CSMD1: variants seen among roughly 807,000 people sequenced by gnomAD.
CSMD1 encodes the protein CUB and Sushi multiple domains 1.
In CSMD1, 213 loss-of-function variants were observed where a neutral mutation model predicts 417.5. The ratio of observed to expected loss-of-function variants is 0.51; its 90% CI spans 0.46 to 0.57. The LOEUF (loss-of-function observed/expected upper bound fraction) is 0.57, where lower values mean the gene tolerates loss of function less well. Among genes scored for constraint, CSMD1 ranks in the 20% least tolerant of loss-of-function variants. The pLI is 0.00. For synonymous variants in CSMD1, 2,862 were observed against 1,736.8 expected (o/e 1.65, Z -16.11); for missense variants, 6,923 against 4,529.7 (o/e 1.53, Z -15.17).
chr8:4,089,476 T>C (rs1217794862), intron 3 of CSMD1, among the ~76,000 whole-genome samples: 5 of 152,168 alleles, frequency 3.3e-5, no homozygotes, highest in Admixed American at 2.6e-4. Context: ...TCAAAAAAGG[T>C]AATGAACCAT....
Position 4,773,138 on chromosome 8 carries a change from T to C in CSMD1, c.86-135580A>G, listed in dbSNP as rs141452642. Reference sequence around the variant, plus strand: ...TATATTACCAGTTGAGTGTCCCTAATTAAAAATAAAGTATCAGAAATCTGA... The same window carrying C: ...TATATTACCAGTTGAGTGTCCCTAACTAAAAATAAAGTATCAGAAATCTGA... On this transcript the variant is annotated intron_variant, in intron 1 of 69. Coordinates refer to ENST00000635120, the MANE Select transcript of CSMD1 (RefSeq NM_033225.6). 5.2e-3 allele frequency among the ~76,000 whole-genome samples: 793 copies of C among 152,288 alleles called. 17 individuals are homozygous for C. The highest frequency in any genetic ancestry group is 0.038 in the Admixed American group (582 of 15,294).
intron 52 of CSMD1, among the ~76,000 whole-genome samples, chr8:3,014,489 A>G (rs1808671660): frequency 6.6e-6 from 1 of 152,184 alleles, no homozygotes; most frequent in East Asian, 1.9e-4. Context: ...TATCTCACCA[A>G]GAACACTGCC....
chr8:3,127,773 C>G (rs1045214498), intron 41 of CSMD1: 44 of 150,794 alleles, frequency 2.9e-4, no homozygotes, highest in Non-Finnish European at 4.0e-4. Flanking sequence ...TTTTCTTTCC[C>G]AAAAAAGTTT....
At chr8:3,387,706 T>C (rs1811097202) in intron 17 of CSMD1, 24 bp from the exon 18 acceptor site, 11 of 1,559,128 alleles carry the variant, frequency 7.1e-6, no homozygotes, top group Non-Finnish European at 8.7e-6. Flanking sequence ...ACGAATGCAG[T>C]CGATGAGGAT....
intron 1 of CSMD1, among the ~76,000 whole-genome samples, chr8:4,966,070 G>T (rs1210597970): frequency 4.6e-5 from 7 of 151,852 alleles, no homozygotes; most frequent in Admixed American, 3.3e-4. Flanking sequence ...TACTCGAATT[G>T]AAAGAGTTCC....
rs116069717 is a variant in CSMD1, at chr8:4,691,093, G to C, written c.86-53535C>G. On this transcript the variant is annotated intron_variant, in intron 1 of 69. Transcript: ENST00000635120. ...AATGGTACCTGGGTATTTTTAAATG[G>C]ATTTTCCCCATCTTTATGACAGAAT... Among the ~76,000 whole-genome samples, 356 of 152,256 alleles carry C rather than the reference G, an allele frequency of 2.3e-3. 4 individuals are homozygous for C. The highest frequency in any genetic ancestry group is 8.3e-3 in the African/African-American group (346 of 41,540).
chr8:4,649,096 T>C (rs1803719341), intron 1 of CSMD1, among the ~76,000 whole-genome samples: 1 of 152,172 alleles, frequency 6.6e-6, no homozygotes, highest in South Asian at 2.1e-4. Flanking sequence ...AAGTGAGTCA[T>C]CATTGATACA....
At chr8:4,613,843 A>G (rs1278531511) in intron 2 of CSMD1, among the ~76,000 whole-genome samples, 23 of 148,150 alleles carry the variant, frequency 1.6e-4, no homozygotes, top group Non-Finnish European at 2.1e-4. Flanking sequence ...TTTTGAAAGC[A>G]GAAGGCTGTC....
intron 5 of CSMD1, among the ~76,000 whole-genome samples, chr8:3,882,428 GC>G (rs1026904665): frequency 1.3e-5 from 2 of 152,196 alleles, no homozygotes; most frequent in African/African-American, 2.4e-5. Flanking sequence ...GTTATGTGGA[GC>G]AACTGGAAAT....
At chr8:3,831,195 G>A (rs997519427) in intron 5 of CSMD1, among the ~76,000 whole-genome samples, 5 of 152,180 alleles carry the variant, frequency 3.3e-5, no homozygotes, top group African/African-American at 1.2e-4. Flanking sequence ...TGAGTGGATA[G>A]ATTTTTCACA....
intron 3 of CSMD1, among the ~76,000 whole-genome samples, chr8:4,351,802 A>T (rs1434531918): frequency 6.6e-6 from 1 of 152,168 alleles, no homozygotes; most frequent in Non-Finnish European, 1.5e-5. Context: ...GGAATCCAGC[A>T]TCTCAAAAGG....
At chr8:3,974,571 T>G (rs930695615) in intron 5 of CSMD1, among the ~76,000 whole-genome samples, 10 of 152,046 alleles carry the variant, frequency 6.6e-5, no homozygotes, top group Non-Finnish European at 1.0e-4. Flanking sequence ...CTTTCAGAAC[T>G]AGTGGCAATC....
At chr8:4,197,308 T>G (rs936633191) in intron 3 of CSMD1, among the ~76,000 whole-genome samples, 1 of 152,244 alleles carries the variant, frequency 6.6e-6, no homozygotes, top group Non-Finnish European at 1.5e-5. Flanking sequence ...TGGGTAATGT[T>G]ATACAACAAC....
At chr8:4,752,503 G>A (rs1178798696) in intron 1 of CSMD1, among the ~76,000 whole-genome samples, 1 of 152,096 alleles carries the variant, frequency 6.6e-6, no homozygotes, top group Non-Finnish European at 1.5e-5. Flanking sequence ...GGTTATAAGG[G>A]CTAAAACGTG....
intron 3 of CSMD1, among the ~76,000 whole-genome samples, chr8:4,233,777 A>G (rs990785498): frequency 6.6e-6 from 1 of 152,200 alleles, no homozygotes; most frequent in Non-Finnish European, 1.5e-5. Flanking sequence ...ATAATATCTG[A>G]GAAGAAGTAG....
rs557094236 is a variant in CSMD1 at position 4,147,627 on chromosome 8, A to G, written c.416-115528T>C. ...TCCCTAATGCAGCTGGACATGTGGC[A>G]TGTAGTGCATGAAGGTTACTCTGAG... On this transcript the variant is annotated intron_variant, in intron 3 of 69. Coordinates refer to ENST00000635120, the MANE Select transcript of CSMD1 (RefSeq NM_033225.6). 3.1e-4 allele frequency among the ~76,000 whole-genome samples: 47 copies of G among 152,244 alleles called. No individual in the cohort carries two copies. The South Asian group carries it at 9.5e-3, about 31-fold the overall frequency.
At chr8:3,801,065 T>C (rs1012150898) in intron 5 of CSMD1, among the ~76,000 whole-genome samples, 2 of 151,912 alleles carry the variant, frequency 1.3e-5, no homozygotes, top group African/African-American at 2.4e-5. Context: ...AGGCCATGCT[T>C]CCCTTGATAT....
intron 65 of CSMD1, among the ~76,000 whole-genome samples, chr8:2,953,159 T>C (rs1416447543): frequency 1.3e-5 from 2 of 152,200 alleles, no homozygotes; most frequent in African/African-American, 2.4e-5. Context: ...TTTTGTTCCA[T>C]TGAAGAACAT....
intron 5 of CSMD1, among the ~76,000 whole-genome samples, chr8:3,991,175 AC>A (rs768510570): frequency 2.0e-4 from 31 of 152,312 alleles, no homozygotes; most frequent in Non-Finnish European, 4.0e-4. Flanking sequence ...TGCCTAATCC[AC>A]CCAGGTGAAA....
Sources: gnomAD v4.1 joint callset for allele counts (sites outside exome capture counted in the v4.1 genomes callset) on GRCh38, gnomAD v4.1.1 for gene constraint, MANE v1.5 for transcripts, NCBI Gene and HGNC (gene_info 2026-07-23, HGNC 2026-07-21) for gene names.